CCNL1: variants seen among roughly 807,000 people sequenced by gnomAD.
CCNL1 encodes the protein cyclin L1.
In CCNL1, 13 loss-of-function variants were observed where a neutral mutation model predicts 60.6. The observed-to-expected ratio is 0.21, with a 90% CI of 0.14 to 0.34. The LOEUF (loss-of-function observed/expected upper bound fraction) is 0.34. Ranked by LOEUF, CCNL1 falls within the 10% of genes least tolerant of loss-of-function variation. CCNL1 has a pLI of 1.00. For missense variants in CCNL1, 481 were observed against 664.3 expected (o/e 0.72, Z 3.03); for synonymous variants, 270 against 244.3 (o/e 1.10, Z -0.98).
At chr3:157,152,122 T>G in intron 5 of CCNL1, 55 bp downstream of exon 5, 1 of 1,589,404 alleles carries the variant, frequency 6.3e-7, no homozygotes, top group South Asian at 1.2e-5. Flanking sequence ...CGAAACTTAC[T>G]TTATTTCTGC....
Position 157,149,864 on chromosome 3 carries a change from C to T in CCNL1, c.993G>A (p.Leu331=). 1 of 1,614,064 alleles carries T rather than the reference C, an allele frequency of 6.2e-7. No homozygotes were observed. Among genetic ancestry groups the T allele is most frequent in the Non-Finnish European group, 8.5e-7 (1 of 1,179,984 alleles). Residue 331 remains leucine, a synonymous_variant, in exon 8 of 11, where the codon CTG becomes CTA. Transcript: ENST00000295926. The part of the protein sequence containing the change: ...NPDGTPALST[L]GGFSPASKPS... ...GCTTGGAGGCTGGAGAAAATCCACC[C>T]AGGGTTGAAAGGGCTGGAGTTCCAT...
chr3:157,159,579 G>A (rs1431701385), intron 1 of CCNL1, 100 bp from the exon 2 acceptor site: 2 of 940,858 alleles, frequency 2.1e-6, no homozygotes, highest in Non-Finnish European at 3.1e-6. Context: ...TTCCCCTCCC[G>A]CCGCCGCCGC....
chr3:157,149,619 C>T, intron 8 of CCNL1, 23 bp from the exon 9 acceptor site: 4 of 1,595,486 alleles, frequency 2.5e-6, no homozygotes, highest in Non-Finnish European at 3.4e-6. Flanking sequence ...ATAATAACAA[C>T]ATGTTAACTA....
rs1390148362 is a variant in CCNL1, at chr3:157,148,595, A to G, written c.1233-6T>C. ...GACTCCGCCTATTATTATAGCTTAGATAATAAAAATTTGAAGTTTAGGTTC... is the reference window on the plus strand; with the variant it reads ...GACTCCGCCTATTATTATAGCTTAGGTAATAAAAATTTGAAGTTTAGGTTC... On this transcript the variant is annotated splice_polypyrimidine_tract_variant and splice_region_variant and intron_variant, in intron 10 of 10. Coordinates refer to ENST00000295926, the MANE Select transcript of CCNL1 (RefSeq NM_020307.4). The G allele has an allele frequency of 6.4e-7, 1 of 1,573,894 alleles. No individual in the cohort carries two copies. Among genetic ancestry groups the G allele is most frequent in the Middle Eastern group, 1.7e-4 (1 of 5,824 alleles).
At position 157,152,739 on chromosome 3, in the gene CCNL1, G is replaced by A. The variant is rs1280132089; in HGVS notation, c.609+297C>T. ...GCTACACATTTATTCCTTGGAATGAGGAACTTTACATCTCTGTTTTCTAGG... is the reference window on the plus strand; with the variant it reads ...GCTACACATTTATTCCTTGGAATGAAGAACTTTACATCTCTGTTTTCTAGG... On this transcript the variant is annotated intron_variant, in intron 4 of 10. Coordinates refer to ENST00000295926, the MANE Select transcript of CCNL1 (RefSeq NM_020307.4). The A allele has an allele frequency of 2.6e-6, 3 of 1,158,220 alleles. No individual in the cohort carries two copies. In the East Asian group the frequency reaches 1.9e-4, roughly 73 times the overall value. The allele number at this position is 1,158,220 out of a possible 1,614,324, so 71.7% of individuals were successfully genotyped here.
At chr3:157,153,964 T>C (rs1439624650) in intron 3 of CCNL1, 1 of 152,192 alleles carries the variant, frequency 6.6e-6, no homozygotes, top group Admixed American at 6.6e-5. Context: ...GTTGTAGTTA[T>C]TAGGCAACAT....
rs1227441684 is a variant in CCNL1, at chr3:157,147,782, G to A, written c.*459C>T. ...CCTTTTTAATAATTTATTTAAATAA[G>A]GTATTTGAAGCAGTTTAGAAAAAAC... On this transcript the variant is annotated 3_prime_UTR_variant, in exon 11 of 11. Coordinates refer to ENST00000295926, the MANE Select transcript of CCNL1 (RefSeq NM_020307.4). 1.1e-5 allele frequency: 11 copies of A among 978,684 alleles called. No individual in the cohort carries two copies. Among genetic ancestry groups the A allele is most frequent in the Non-Finnish European group, 1.3e-5 (11 of 823,760 alleles). 60.6% of individuals were successfully genotyped at this position (978,684 alleles called of 1,614,324 possible).
downstream of CCNL1, among the ~76,000 whole-genome samples, chr3:157,147,186 T>C (rs186567082): frequency 6.6e-6 from 1 of 152,226 alleles, no homozygotes; most frequent in Non-Finnish European, 1.5e-5. Flanking sequence ...ATAAATGTAA[T>C]GGAGACCTTA....
In CCNL1 at chr3:157,159,455, A is replaced by C; in HGVS notation, c.328T>G (p.Leu110Val). ...PQVAMATGQVLFHRFFYSKSF... is the reference protein window; with the variant it reads ...PQVAMATGQVVFHRFFYSKSF... ...TTGGAGTAGAAAAAACGATGAAACA[A>C]CACCTGCCCCGTTGCCATCGCCACC... Residue 110 changes from leucine (L) to valine (V), a missense_variant, in exon 2 of 11, where the codon TTG (leucine) becomes GTG (valine). By Grantham distance (32) the Leu-to-Val change is conservative. Around this residue, in one of 5 missense-constraint regions of CCNL1, gnomAD observed 130 missense variants for 174.5 expected, o/e 0.75. Transcript: ENST00000295926. 6.2e-7 allele frequency: 1 copy of C among 1,613,780 alleles called. No individual in the cohort carries two copies. The highest frequency in any genetic ancestry group is 8.5e-7 in the Non-Finnish European group (1 of 1,179,926).
chr3:157,158,899 A>G lies in CCNL1; in HGVS notation c.455T>C (p.Val152Ala), dbSNP rs1368889912. 1 of 1,613,000 alleles carries G rather than the reference A, an allele frequency of 6.2e-7. No individual in the cohort carries two copies. The highest frequency in any genetic ancestry group is 8.5e-7 in the Non-Finnish European group (1 of 1,179,404). The change falls in exon 3 of 11, where the codon GTA becomes GCA. Residue 152 changes from valine to alanine, a missense_variant. Coordinates refer to ENST00000295926, the MANE Select transcript of CCNL1 (RefSeq NM_020307.4). Reference sequence around the variant, plus strand: ...TCTTAACTGGCGGAGGTGGTGGAATACATTAATCACATCTCTTATTCTTCT... The same window carrying G: ...TCTTAACTGGCGGAGGTGGTGGAATGCATTAATCACATCTCTTATTCTTCT... ...APRRIRDVINVFHHLRQLRGK... is the reference protein window; with the variant it reads ...APRRIRDVINAFHHLRQLRGK...
intron 3 of CCNL1, among the ~76,000 whole-genome samples, chr3:157,157,996 C>A (rs906875326): frequency 1.3e-5 from 2 of 152,192 alleles, no homozygotes; most frequent in African/African-American, 4.8e-5. Flanking sequence ...TCTAACATCA[C>A]TACAATTCCT....
intron 3 of CCNL1, chr3:157,157,086 GTA>G: frequency 7.8e-7 from 1 of 1,289,776 alleles, no homozygotes. Context: ...GCTGGTCGCT[GTA>G]TAGTCGGTTG....
At chr3:157,158,842 T>C in intron 3 of CCNL1, 24 bp downstream of exon 3, 1 of 1,419,834 alleles carries the variant, frequency 7.0e-7, no homozygotes, top group South Asian at 1.2e-5. Context: ...CAAGAGATAC[T>C]ATGTTCAATA....
chr3:157,159,640 GC>G, intron 1 of CCNL1, 151 bp downstream of exon 1: 1 of 968,824 alleles, frequency 1.0e-6, no homozygotes, highest in Non-Finnish European at 1.5e-6. Flanking sequence ...GCAGCCCCCC[GC>G]CCCGGCACGC....
chr3:157,159,576 CCCGCCG>C (rs551462899), intron 1 of CCNL1, 97 bp from the exon 2 acceptor site: 3 of 1,177,146 alleles, frequency 2.5e-6, no homozygotes, highest in Non-Finnish European at 3.7e-6. Flanking sequence ...CCTTTCCCCT[CCCGCCG>C]CCGCCGCCGC....
Position 157,148,301 on chromosome 3 carries a change from C to T in CCNL1, c.1521G>A (p.Arg507=), listed in dbSNP as rs751329404. The T allele has an allele frequency of 6.2e-7, 1 of 1,614,164 alleles. No individual in the cohort carries two copies. Among genetic ancestry groups the T allele is most frequent in the Non-Finnish European group, 8.5e-7 (1 of 1,180,028 alleles). Residue 507 remains arginine, a synonymous_variant, in exon 11 of 11, where the codon AGG becomes AGA. Transcript: ENST00000295926. ...DRRERSRSFE[R]SHKSKHHGGS... The stretch of plus-strand genomic sequence containing the variant: ...CACCATGGTGCTTGCTTTTATGGGA[C>T]CTCTCAAAGGAGCGAGATCGTTCAC...
chr3:157,146,862 C>G (rs909209522), downstream of CCNL1, among the ~76,000 whole-genome samples: 2 of 152,148 alleles, frequency 1.3e-5, no homozygotes, highest in African/African-American at 4.8e-5. Context: ...TTTGCTGGGT[C>G]TTGTTAGTTT....
Position 157,158,977 on chromosome 3 carries a change from T to TGAAA in CCNL1, c.379-6_379-3dup, listed in dbSNP as rs1412061141. On this transcript the variant is annotated splice_polypyrimidine_tract_variant and splice_region_variant and intron_variant, in intron 2 of 10. Coordinates refer to ENST00000295926, the MANE Select transcript of CCNL1 (RefSeq NM_020307.4). ...ATTAATACAAGCCATAGCAACAATC[T>TGAAA]GAAAGAACCCATGAGCCACAAAAGC... 9 of 1,596,594 alleles carry TGAAA rather than the reference T, an allele frequency of 5.6e-6. No individual in the cohort carries two copies. Among genetic ancestry groups the TGAAA allele is most frequent in the Non-Finnish European group, 7.7e-6 (9 of 1,167,504 alleles).
Position 157,147,645 on chromosome 3 carries a change from T to C in CCNL1, c.*596A>G, listed in dbSNP as rs1737836186. The C allele has an allele frequency of 3.0e-6, 3 of 984,580 alleles. No homozygotes were observed. The highest frequency in any genetic ancestry group is 3.5e-5 in the African/African-American group (2 of 57,236). 61.0% of individuals were successfully genotyped at this position (984,580 alleles called of 1,614,324 possible). On this transcript the variant is annotated 3_prime_UTR_variant, in exon 11 of 11. Coordinates refer to ENST00000295926, the MANE Select transcript of CCNL1 (RefSeq NM_020307.4). ...CCATATATACAGTGAAGACTTACAA[T>C]AGCTCACAATGCAGTTAAGAATTGC... is the stretch of plus-strand genomic sequence containing the variant.
Sources: gnomAD v4.1 joint callset for allele counts (sites outside exome capture counted in the v4.1 genomes callset) on GRCh38, gnomAD v4.1.1 for gene constraint, gnomAD v4.1.1 regional missense constraint, MANE v1.5 for transcripts, NCBI Gene and HGNC (gene_info 2026-07-23, HGNC 2026-07-21) for gene names.